Variants in FMO1 observed in about 807,000 individuals in gnomAD.
FMO1 encodes flavin containing dimethylaniline monoxygenase 1.
A neutral mutation model predicts 45.4 loss-of-function variants in FMO1; 36 were observed. That is an observed-to-expected ratio of 0.79 (90% CI 0.61 to 1.05). The LOEUF is 1.05. FMO1 is among the 50% of genes least tolerant of loss of function. FMO1 has a pLI of 0.00. For missense variants in FMO1, 615 were observed against 640.3 expected (o/e 0.96, Z 0.43); for synonymous variants, 228 against 227.2 (o/e 1.00, Z -0.03).
rs557270181 is a variant in FMO1, at chr1:171,249,646, AACCAG to A, written c.-7+1024_-7+1028del. 6.5e-4 allele frequency among the ~76,000 whole-genome samples: 99 copies of A among 152,218 alleles called. 1 individual carries two copies. Among genetic ancestry groups the A allele is most frequent in the African/African-American group, 2.3e-3 (94 of 41,528 alleles). ...AGGGTATCATTGTGCAGTCTGTGCC[AACCAG>A]TATTCTGAAGTATTTTCATGCACTA... On this transcript the variant is annotated intron_variant, in intron 1 of 8. Coordinates refer to ENST00000617670, the MANE Select transcript of FMO1 (RefSeq NM_001282693.2).
chr1:171,251,701 A>AT (rs1279829994), intron 1 of FMO1: 2 of 150,554 alleles, frequency 1.3e-5, no homozygotes, highest in Non-Finnish European at 3.0e-5. Context: ...GTACGCTGAC[A>AT]CACAGATATT....
At chr1:171,261,709 C>T (rs1224209075) in intron 2 of FMO1, among the ~76,000 whole-genome samples, 1 of 152,060 alleles carries the variant, frequency 6.6e-6, no homozygotes, top group Non-Finnish European at 1.5e-5. Flanking sequence ...TATAACAAGA[C>T]CCCGTTCCGT....
At chr1:171,265,405 AAAAAAG>A (rs1353085393) in intron 2 of FMO1, among the ~76,000 whole-genome samples, 1 of 146,572 alleles carries the variant, frequency 6.8e-6, no homozygotes, top group African/African-American at 2.7e-5. Flanking sequence ...AAAGAAAAAT[AAAAAAG>A]AAAAAGAAAA....
At chr1:171,270,456 C>A in intron 3 of FMO1, 1 of 447,544 alleles carries the variant, frequency 2.2e-6, no homozygotes, top group Non-Finnish European at 3.0e-6. Context: ...AGCTTCCCCT[C>A]CAAAAGAAAA....
At chr1:171,271,166 G>T in intron 3 of FMO1, 1 of 862,468 alleles carries the variant, frequency 1.2e-6, no homozygotes, top group Non-Finnish European at 2.0e-6. Context: ...TCACAAGGCT[G>T]CTTGTCTTCT....
rs1661393341 is a variant in FMO1, at chr1:171,282,289, C to G, written c.1139C>G (p.Pro380Arg). The change falls in exon 7 of 9, where the codon CCT becomes CGT. Residue 380 changes from proline (P) to arginine (R), a missense_variant. Physicochemically the swap from Pro to Arg is moderately radical, Grantham distance 103. Coordinates refer to ENST00000617670, the MANE Select transcript of FMO1 (RefSeq NM_001282693.2). ...GLIKPLGSMI[P>R]TGETQARWAV... ...ATCAAACCCTTGGGCTCCATGATAC[C>G]TACAGGAGAAACACAAGCTCGGTGG... 6.2e-7 allele frequency: 1 copy of G among 1,613,600 alleles called. No homozygotes were observed. The highest frequency in any genetic ancestry group is 8.5e-7 in the Non-Finnish European group (1 of 1,179,708).
In FMO1 at chr1:171,248,551, T is replaced by A. The variant is rs937463780; in HGVS notation, c.-79T>A. 2.6e-5 allele frequency: 4 copies of A among 152,212 alleles called. No homozygotes were observed. The highest frequency in any genetic ancestry group is 9.7e-5 in the African/African-American group (4 of 41,448). 9.4% of individuals were successfully genotyped at this position (152,212 alleles called of 1,614,324 possible). ...CAAGCCAGCACTGGCTCATACTGAT[T>A]CATTTTGATCTCTGCTAATACCAGA... On this transcript the variant is annotated 5_prime_UTR_variant, in exon 1 of 9. Transcript: ENST00000617670.
chr1:171,281,027 G>A (rs900022906), intron 6 of FMO1, 42 bp downstream of exon 6: 2 of 1,539,710 alleles, frequency 1.3e-6, no homozygotes, highest in East Asian at 4.5e-5. Flanking sequence ...GGAAGAAGGA[G>A]CCTCTGCCTG....
At chr1:171,249,557 C>G (rs7527107) in intron 1 of FMO1, among the ~76,000 whole-genome samples, 18,195 of 152,130 alleles carry the variant, frequency 0.12, 2,018 homozygotes, top group African/African-American at 0.31. Flanking sequence ...TTCACCCACC[C>G]CAACTGCCAT....
At chr1:171,273,953 T>C (rs1023107544) in intron 3 of FMO1, among the ~76,000 whole-genome samples, 12 of 152,046 alleles carry the variant, frequency 7.9e-5, no homozygotes, top group African/African-American at 2.7e-4. Context: ...ATCAAGACCA[T>C]CCTGGCTAAC....
intron 1 of FMO1, among the ~76,000 whole-genome samples, chr1:171,250,669 G>A (rs546305554): frequency 1.3e-5 from 2 of 152,208 alleles, no homozygotes; most frequent in Admixed American, 6.5e-5. Context: ...AACCAATAGC[G>A]ATTTCCCAAC....
intron 2 of FMO1, among the ~76,000 whole-genome samples, chr1:171,264,306 T>A (rs1660507299): frequency 6.7e-6 from 1 of 150,236 alleles, no homozygotes; most frequent in Non-Finnish European, 1.5e-5. Flanking sequence ...TGCTTTAAAA[T>A]TTTTAATTTG....
intron 1 of FMO1, among the ~76,000 whole-genome samples, chr1:171,255,959 G>A (rs1476354381): frequency 6.6e-6 from 1 of 152,026 alleles, no homozygotes; most frequent in Non-Finnish European, 1.5e-5. Flanking sequence ...TTTATCAAAT[G>A]GCTACTATGT....
intron 2 of FMO1, among the ~76,000 whole-genome samples, chr1:171,263,407 C>T (rs1166744050): frequency 1.3e-5 from 2 of 152,154 alleles, no homozygotes; most frequent in African/African-American, 4.8e-5. Flanking sequence ...GGCAGTCTGA[C>T]ATTGAGGCCT....
At chr1:171,281,840 G>A in intron 6 of FMO1, 138 bp from the exon 7 acceptor site, 1 of 592,838 alleles carries the variant, frequency 1.7e-6, no homozygotes, top group East Asian at 2.8e-5. Flanking sequence ...TTCCACTGAA[G>A]TAACATCTCC....
chr1:171,272,116 C>A (rs1660896445), intron 3 of FMO1, among the ~76,000 whole-genome samples: 1 of 152,260 alleles, frequency 6.6e-6, no homozygotes, highest in Non-Finnish European at 1.5e-5. Flanking sequence ...TGGTGCCCTG[C>A]ATCCCAGCTG....
At chr1:171,277,915 G>A (rs965131936) in intron 4 of FMO1, among the ~76,000 whole-genome samples, 27 of 151,854 alleles carry the variant, frequency 1.8e-4, no homozygotes, top group African/African-American at 6.3e-4. Context: ...CTTTTTTTAG[G>A]AAAAAAGAAG....
rs1661602809 is a variant in FMO1, at chr1:171,285,729, T to A, written c.*185T>A. On this transcript the variant is annotated 3_prime_UTR_variant, in exon 9 of 9. Transcript: ENST00000617670. Reference sequence around the variant, plus strand: ...GAGCCTCTCCCAGCTCCACTTCTAATGCTAGAGAATGATAACTAAGACTTC... The same window carrying A: ...GAGCCTCTCCCAGCTCCACTTCTAAAGCTAGAGAATGATAACTAAGACTTC... 1 of 400,418 alleles carries A rather than the reference T, an allele frequency of 2.5e-6. No individual in the cohort carries two copies. The highest frequency in any genetic ancestry group is 1.2e-4 in the South Asian group (1 of 8,542). The allele number at this position is 400,418 out of a possible 1,614,324, so 24.8% of individuals were successfully genotyped here. A position where few individuals can be genotyped will look rare whatever the true frequency, so the allele number is the denominator to read the frequency against.
chr1:171,268,232 GCACAC>G (rs1660702921), intron 3 of FMO1, among the ~76,000 whole-genome samples: 1 of 152,072 alleles, frequency 6.6e-6, no homozygotes, highest in African/African-American at 2.4e-5. Flanking sequence ...GAACACAGGT[GCACAC>G]CACCACACCC....
Sources: gnomAD v4.1 joint callset for allele counts (sites outside exome capture counted in the v4.1 genomes callset) on GRCh38, gnomAD v4.1.1 for gene constraint, MANE v1.5 for transcripts, NCBI Gene and HGNC (gene_info 2026-07-23, HGNC 2026-07-21) for gene names.